The following PCBP3 variants were observed in gnomAD, a reference collection of about 807,000 sequenced individuals.
PCBP3 encodes the protein poly(rC) binding protein 3.
In PCBP3, 25 loss-of-function variants were observed where a neutral mutation model predicts 52.7. The ratio of observed to expected loss-of-function variants is 0.47; its 90% CI spans 0.35 to 0.66. The LOEUF (loss-of-function observed/expected upper bound fraction) is 0.66. Ranked by LOEUF, PCBP3 falls within the 30% of genes least tolerant of loss-of-function variation. The probability of loss-of-function intolerance (pLI) is 0.01; values close to 1 mark genes in which losing one functional copy is unlikely to be tolerated. For synonymous variants in PCBP3, 162 were observed against 183.0 expected (o/e 0.89, Z 0.93); for missense variants, 391 against 490.3 (o/e 0.80, Z 1.91).
intron 2 of PCBP3, among the ~76,000 whole-genome samples, chr21:45,675,933 G>A (rs182257709): frequency 6.6e-6 from 1 of 152,182 alleles, no homozygotes; most frequent in African/African-American, 2.4e-5. Flanking sequence ...TCTTGATGAA[G>A]TCGTAGGAAT....
chr21:45,705,026 G>C (rs1252702321), intron 2 of PCBP3, among the ~76,000 whole-genome samples: 2 of 152,184 alleles, frequency 1.3e-5, no homozygotes, highest in African/African-American at 2.4e-5. Flanking sequence ...AGAGTCTGTT[G>C]TGAGGGTCAC....
chr21:45,770,111 A>G (rs1175319936), intron 4 of PCBP3, among the ~76,000 whole-genome samples: 1 of 152,110 alleles, frequency 6.6e-6, no homozygotes, highest in African/African-American at 2.4e-5. Flanking sequence ...ATCGACGGCG[A>G]CCCGGCCTCC....
chr21:45,851,983 G>A (rs573468654), intron 5 of PCBP3, among the ~76,000 whole-genome samples: 1 of 152,346 alleles, frequency 6.6e-6, no homozygotes, highest in East Asian at 1.9e-4. Flanking sequence ...AGAGAGGCTG[G>A]TCCACAGGTA....
chr21:45,693,713 T>G (rs892176516), intron 2 of PCBP3, among the ~76,000 whole-genome samples: 12 of 152,080 alleles, frequency 7.9e-5, no homozygotes, highest in African/African-American at 2.9e-4. Flanking sequence ...TTTTCAAAAA[T>G]GAAGGGCAAC....
chr21:45,732,329 A>G (rs982568179), intron 2 of PCBP3, among the ~76,000 whole-genome samples: 3 of 152,082 alleles, frequency 2.0e-5, no homozygotes, highest in African/African-American at 7.2e-5. Flanking sequence ...ACACAATATA[A>G]TGTTATAAAA....
At chr21:45,806,849 GC>G (rs1218419033) in intron 4 of PCBP3, among the ~76,000 whole-genome samples, 1 of 152,112 alleles carries the variant, frequency 6.6e-6, no homozygotes, top group Non-Finnish European at 1.5e-5. Flanking sequence ...CCAGATGCCG[GC>G]CTCCCTGCCT....
At chr21:45,812,268 C>T (rs1250295663) in intron 4 of PCBP3, among the ~76,000 whole-genome samples, 1 of 152,180 alleles carries the variant, frequency 6.6e-6, no homozygotes, top group Non-Finnish European at 1.5e-5. Flanking sequence ...ATGACACAGC[C>T]TCGAGAGGTC....
At chr21:45,658,459 A>G (rs1377114243) in intron 1 of PCBP3, among the ~76,000 whole-genome samples, 2 of 152,112 alleles carry the variant, frequency 1.3e-5, no homozygotes, top group Non-Finnish European at 2.9e-5. Context: ...GCGTGCCACC[A>G]TGCATGGCTA....
In PCBP3 at chr21:45,791,717, A is replaced by T. The variant is rs1315399415; in HGVS notation, c.-126+36265A>T. On this transcript the variant is annotated intron_variant, in intron 4 of 17. Coordinates refer to ENST00000681687, the MANE Select transcript of PCBP3 (RefSeq NM_001384156.1). The surrounding 1 kb of genome is among the most constrained non-coding windows in gnomAD (Gnocchi z 4.2). ...CAACTACCTCTTCAGCTTAGAGAATAGTACTACTTGGTTTCCCTGGTAACT... is the reference window on the plus strand; with the variant it reads ...CAACTACCTCTTCAGCTTAGAGAATTGTACTACTTGGTTTCCCTGGTAACT... Among the ~76,000 whole-genome samples, 2 of 152,262 alleles carry T rather than the reference A, an allele frequency of 1.3e-5. No homozygotes were observed. Among genetic ancestry groups the T allele is most frequent in the African/African-American group, 4.8e-5 (2 of 41,474 alleles).
chr21:45,896,730 C>A (rs2095840040), intron 6 of PCBP3, among the ~76,000 whole-genome samples: 1 of 148,468 alleles, frequency 6.7e-6, no homozygotes, highest in African/African-American at 2.5e-5. Flanking sequence ...ACTGCCCGGG[C>A]CATTGTCTCT....
chr21:45,885,799 T>G (rs2095503622), intron 5 of PCBP3, among the ~76,000 whole-genome samples: 1 of 152,280 alleles, frequency 6.6e-6, no homozygotes, highest in Admixed American at 6.5e-5. Flanking sequence ...CCTGCTTGTT[T>G]GCTGAAGCAT....
chr21:45,876,779 T>C (rs2095267588), intron 5 of PCBP3, among the ~76,000 whole-genome samples: 1 of 152,258 alleles, frequency 6.6e-6, no homozygotes, highest in Non-Finnish European at 1.5e-5. Flanking sequence ...CCCCGCACTG[T>C]GTTCCCTCCC....
At chr21:45,782,726 G>A (rs961797443) in intron 4 of PCBP3, among the ~76,000 whole-genome samples, 67 of 152,164 alleles carry the variant, frequency 4.4e-4, no homozygotes, top group African/African-American at 1.6e-3. Flanking sequence ...AAGCAAACAA[G>A]CAAGCAAACT....
At chr21:45,691,919 C>G (rs1355587089) in intron 2 of PCBP3, among the ~76,000 whole-genome samples, 1 of 152,168 alleles carries the variant, frequency 6.6e-6, no homozygotes, top group Non-Finnish European at 1.5e-5. Context: ...TGCAAGAAGC[C>G]AGGAGATGGA....
At chr21:45,776,947 G>T (rs2090307483) in intron 4 of PCBP3, among the ~76,000 whole-genome samples, 1 of 152,050 alleles carries the variant, frequency 6.6e-6, no homozygotes, top group Admixed American at 6.6e-5. Context: ...AATTTGGGTG[G>T]ATTTTTCTAG....
chr21:45,813,997 T>C (rs1264422352), intron 4 of PCBP3, among the ~76,000 whole-genome samples: 3 of 152,230 alleles, frequency 2.0e-5, no homozygotes, highest in Non-Finnish European at 4.4e-5. Flanking sequence ...GTGAACATCA[T>C]GGTGTGGACT....
At position 45,900,699 on chromosome 21, in the gene PCBP3, C is replaced by G. The variant is rs540126923; in HGVS notation, c.222+76C>G. The G allele has an allele frequency of 2.5e-4, 268 of 1,081,612 alleles. 1 individual carries two copies. In the African/African-American group the frequency reaches 2.9e-3, roughly 12 times the overall value. 67.0% of individuals were successfully genotyped at this position (1,081,612 alleles called of 1,614,324 possible). A position where few individuals can be genotyped will look rare whatever the true frequency, so the allele number is the denominator to read the frequency against. On this transcript the variant is annotated intron_variant, in intron 8 of 17. Transcript: ENST00000681687. ...GTGGGTCCCCAGGCTCTGCCCCTGC[C>G]GACGTCCTGCCTGTGCTCTTGGCCA...
chr21:45,918,333 G>A (rs920816399), intron 13 of PCBP3: 1 of 150,472 alleles, frequency 6.6e-6, no homozygotes, highest in Non-Finnish European at 1.5e-5. Context: ...ATAAACGGTC[G>A]GTGTAATTCC....
intron 5 of PCBP3, among the ~76,000 whole-genome samples, chr21:45,866,709 C>T (rs570928755): frequency 6.6e-6 from 1 of 152,256 alleles, no homozygotes; most frequent in East Asian, 1.9e-4. Flanking sequence ...CAGATGCACA[C>T]GAGCGTGAAG....
Sources: allele counts gnomAD v4.1 joint callset (sites outside exome capture counted in the v4.1 genomes callset), GRCh38; gene constraint gnomAD v4.1.1; non-coding constraint Gnocchi (gnomAD v3.1); transcripts MANE v1.5; gene names NCBI Gene and HGNC (gene_info 2026-07-23, HGNC 2026-07-21).